SETBP1: variants seen among roughly 807,000 people sequenced by gnomAD.
The protein encoded by SETBP1 is SET binding protein 1.
In SETBP1, 9 loss-of-function variants were observed where a neutral mutation model predicts 101.0. The ratio of observed to expected loss-of-function variants is 0.09; its 90% CI spans 0.05 to 0.16. SETBP1 has a LOEUF of 0.16. SETBP1 is among the 10% of genes least tolerant of loss of function. The pLI, the probability that SETBP1 is intolerant of heterozygous loss-of-function variation, is 1.00. For missense variants in SETBP1, 1,858 were observed against 2,033.8 expected (o/e 0.91, Z 1.66); for synonymous variants, 818 against 788.5 (o/e 1.04, Z -0.63).
intron 2 of SETBP1, among the ~76,000 whole-genome samples, chr18:44,831,095 G>A (rs916560865): frequency 2.0e-5 from 3 of 152,152 alleles, no homozygotes; most frequent in Admixed American, 2.0e-4. Context: ...TTTTAAAAAA[G>A]GACAAATAAG....
intron 3 of SETBP1, among the ~76,000 whole-genome samples, chr18:44,873,861 G>A (rs683461): frequency 0.54 from 82,561 of 151,958 alleles, 22,533 homozygotes; most frequent in Non-Finnish European, 0.56. Flanking sequence ...CCATGTACCT[G>A]TTACCCAGTT....
At chr18:44,953,517 T>C (rs1194958830) in intron 4 of SETBP1, among the ~76,000 whole-genome samples, 177 bp downstream of exon 4, 1 of 152,210 alleles carries the variant, frequency 6.6e-6, no homozygotes, top group East Asian at 1.9e-4. Flanking sequence ...GTTTACTTGG[T>C]ATTTACTATC....
chr18:45,010,053 C>T (rs2072806743), intron 4 of SETBP1, among the ~76,000 whole-genome samples: 1 of 152,142 alleles, frequency 6.6e-6, no homozygotes, highest in African/African-American at 2.4e-5. Flanking sequence ...AAGGAAAAAC[C>T]CTGAGTTATA....
At chr18:44,707,028 T>C (rs1404091991) in intron 2 of SETBP1, among the ~76,000 whole-genome samples, 1 of 152,232 alleles carries the variant, frequency 6.6e-6, no homozygotes, top group Non-Finnish European at 1.5e-5. Context: ...ACTCACCTTA[T>C]CTGTTAGTCC....
intron 4 of SETBP1, among the ~76,000 whole-genome samples, chr18:45,011,790 G>C (rs1448613773): frequency 6.6e-6 from 1 of 152,202 alleles, no homozygotes; most frequent in Admixed American, 6.5e-5. Context: ...CCTCTGTCCA[G>C]CTGTGTGATC....
rs142115199 is a variant in SETBP1, at chr18:44,693,525, AG to A, written c.-172-7646del. Among the ~76,000 whole-genome samples, 260 of 152,314 alleles carry A rather than the reference AG, an allele frequency of 1.7e-3. 3 individuals are homozygous for A. In the East Asian group the frequency reaches 0.028, roughly 16 times the overall value. The stretch of plus-strand genomic sequence containing the variant: ...CTGAGTAATGAAGAAGTCTAACTCC[AG>A]GGGAGCAAGAGGAAGATTCCAGGTG... On this transcript the variant is annotated intron_variant, in intron 1 of 5. Transcript: ENST00000649279.
At chr18:44,714,724 C>T (rs753252512) in intron 2 of SETBP1, among the ~76,000 whole-genome samples, 29 of 151,676 alleles carry the variant, frequency 1.9e-4, no homozygotes, top group Non-Finnish European at 3.8e-4. Context: ...GGTTTTCAGC[C>T]TAAGTGCTGT....
chr18:44,728,713 A>G (rs12969989), intron 2 of SETBP1, among the ~76,000 whole-genome samples: 21,935 of 152,254 alleles, frequency 0.14, 1,933 homozygotes, highest in Non-Finnish European at 0.2. Flanking sequence ...GATGGAGGGA[A>G]GGTAGTCTTG....
At chr18:44,682,338 A>C (rs1442040614) in intron 1 of SETBP1, among the ~76,000 whole-genome samples, 2 of 152,172 alleles carry the variant, frequency 1.3e-5, no homozygotes, top group African/African-American at 4.8e-5. Context: ...ACTGGACCAG[A>C]CCTGGGCATT....
intron 4 of SETBP1, chr18:44,987,684 G>A (rs1355121179): frequency 6.6e-6 from 1 of 152,168 alleles, no homozygotes; most frequent in African/African-American, 2.4e-5. Flanking sequence ...GGTTCTCCGT[G>A]AAGATAAAGC....
chr18:45,065,419 GT>G lies in SETBP1; in HGVS notation c.*1724del, dbSNP rs1336513720. 4 of 152,132 alleles carry G rather than the reference GT, an allele frequency of 2.6e-5. No individual in the cohort carries two copies. Among genetic ancestry groups the G allele is most frequent in the Non-Finnish European group, 5.9e-5 (4 of 68,022 alleles). 9.4% of individuals were successfully genotyped at this position (152,132 alleles called of 1,614,324 possible). The stretch of plus-strand genomic sequence containing the variant: ...AATATCTGGTTTACCTCCAAATTAA[GT>G]TTCTTTACAGGAAGTTGGGACCAGC... On this transcript the variant is annotated 3_prime_UTR_variant, in exon 6 of 6. Coordinates refer to ENST00000649279, the MANE Select transcript of SETBP1 (RefSeq NM_015559.3).
At chr18:44,914,998 T>A (rs2070394294) in intron 3 of SETBP1, among the ~76,000 whole-genome samples, 1 of 152,132 alleles carries the variant, frequency 6.6e-6, no homozygotes, top group African/African-American at 2.4e-5. Context: ...TACTAAAATT[T>A]ACTAAGTTAA....
intron 4 of SETBP1, among the ~76,000 whole-genome samples, chr18:45,001,332 C>T (rs1012113059): frequency 2.0e-5 from 3 of 152,142 alleles, no homozygotes; most frequent in African/African-American, 7.2e-5. Flanking sequence ...TCTATAATGC[C>T]TGAAAAGCTC....
chr18:44,787,408 A>G (rs1390927424), intron 2 of SETBP1, among the ~76,000 whole-genome samples: 2 of 152,192 alleles, frequency 1.3e-5, no homozygotes, highest in African/African-American at 4.8e-5. Flanking sequence ...CCCTAACTAA[A>G]TACAAAACTG....
rs534398754 is a variant in SETBP1 at position 44,803,292 on chromosome 18, G to A, written c.487-65938G>A. ...ACAGTGGAGTTCTGTAGCTGTGAAG[G>A]CCCAGGCCCTTGGCACGGCTGTTCC... On this transcript the variant is annotated intron_variant, in intron 2 of 5. Transcript: ENST00000649279. 3.2e-4 allele frequency among the ~76,000 whole-genome samples: 48 copies of A among 152,260 alleles called. 1 individual carries two copies. Among genetic ancestry groups the A allele is most frequent in the Middle Eastern group, 6.8e-3 (2 of 294 alleles).
intron 2 of SETBP1, among the ~76,000 whole-genome samples, chr18:44,833,075 C>T (rs16978190): frequency 0.019 from 2,918 of 152,184 alleles, 79 homozygotes; most frequent in African/African-American, 0.066. Context: ...AGATACTGGA[C>T]GGTAAGTCTA....
chr18:44,759,229 T>C (rs182391427), intron 2 of SETBP1, among the ~76,000 whole-genome samples: 2 of 152,288 alleles, frequency 1.3e-5, no homozygotes. Context: ...TTACCCATAG[T>C]GGTCCATGAG....
chr18:44,720,902 CCCCCA>C (rs2069573403), intron 2 of SETBP1, among the ~76,000 whole-genome samples: 3 of 74,292 alleles, frequency 4.0e-5, no homozygotes, highest in African/African-American at 1.6e-4. Flanking sequence ...AGCCCTCCAA[CCCCCA>C]CCCCCCACCC....
intron 1 of SETBP1, among the ~76,000 whole-genome samples, chr18:44,686,263 G>A (rs2068838944): frequency 6.6e-6 from 1 of 152,256 alleles, no homozygotes; most frequent in Non-Finnish European, 1.5e-5. Flanking sequence ...GCAGCCTGCA[G>A]CAGGCACCTT....
Sources: allele counts gnomAD v4.1 joint callset (sites outside exome capture counted in the v4.1 genomes callset), GRCh38; gene constraint gnomAD v4.1.1; transcripts MANE v1.5; gene names NCBI Gene and HGNC (gene_info 2026-07-23, HGNC 2026-07-21).